Variants in ME3 observed in about 807,000 individuals in gnomAD.
The protein encoded by ME3 is malic enzyme 3, also known as NADP-dependent malic enzyme, mitochondrial.
Under a neutral mutation model 68.9 loss-of-function variants are expected in ME3, and 48 were observed. The observed-to-expected ratio is 0.70, with a 90% confidence interval of 0.55 to 0.89. ME3 has a LOEUF of 0.89. Ranked by LOEUF, ME3 falls within the 40% of genes least tolerant of loss-of-function variation. The probability of loss-of-function intolerance (pLI) is 0.00; values close to 1 mark genes in which losing one functional copy is unlikely to be tolerated. For missense variants in ME3, 675 were observed against 797.4 expected (o/e 0.85, Z 1.85); for synonymous variants, 320 against 318.8 (o/e 1.00, Z -0.04).
intron 2 of ME3, among the ~76,000 whole-genome samples, chr11:86,596,822 C>A (rs998509718): frequency 2.6e-5 from 4 of 152,210 alleles, no homozygotes; most frequent in African/African-American, 9.7e-5. Context: ...TTCTGCTCTC[C>A]TTTTCTGTAA....
intron 2 of ME3, among the ~76,000 whole-genome samples, chr11:86,637,082 C>T (rs1247170979): frequency 6.6e-6 from 1 of 152,120 alleles, no homozygotes; most frequent in Non-Finnish European, 1.5e-5. Context: ...ATGAGCAAAT[C>T]AGTAATGGTG....
At chr11:86,651,679 T>C (rs1243060129) in intron 2 of ME3, among the ~76,000 whole-genome samples, 1 of 152,132 alleles carries the variant, frequency 6.6e-6, no homozygotes, top group East Asian at 1.9e-4. Context: ...ATTCTAAAAA[T>C]CAGAGCACCT....
At chr11:86,601,677 T>C (rs1375057469) in intron 2 of ME3, among the ~76,000 whole-genome samples, 3 of 151,560 alleles carry the variant, frequency 2.0e-5, no homozygotes, top group Admixed American at 6.6e-5. Context: ...CCGATATCCT[T>C]GATGAACATT....
chr11:86,658,851 T>C (rs183089161), intron 2 of ME3, among the ~76,000 whole-genome samples: 2 of 152,276 alleles, frequency 1.3e-5, no homozygotes, highest in Admixed American at 1.3e-4. Flanking sequence ...GATGGGTGGA[T>C]TTAAAAGTCT....
intron 2 of ME3, among the ~76,000 whole-genome samples, chr11:86,611,113 A>G (rs946811529): frequency 1.9e-4 from 29 of 152,156 alleles, no homozygotes; most frequent in African/African-American, 7.0e-4. Flanking sequence ...ATGAACCTGG[A>G]GGACATTAAG....
At chr11:86,522,988 A>G (rs1954438489) in intron 4 of ME3, among the ~76,000 whole-genome samples, 1 of 152,132 alleles carries the variant, frequency 6.6e-6, no homozygotes, top group Admixed American at 6.5e-5. Flanking sequence ...GAGGTTGATT[A>G]TATATCACCC....
In ME3 at chr11:86,482,748, G is replaced by A. The variant is rs190917814; in HGVS notation, c.809+4589C>T. 1.6e-4 allele frequency among the ~76,000 whole-genome samples: 25 copies of A among 151,978 alleles called. No individual in the cohort carries two copies. The East Asian group carries it at 4.8e-3, about 29-fold the overall frequency. On this transcript the variant is annotated intron_variant, in intron 7 of 14. Transcript: ENST00000543262. ...GTTCAGCTATCCTGTGAAGAGAAGA[G>A]GCCATGTGAAGAAGGAGAGACCCTA...
intron 7 of ME3, among the ~76,000 whole-genome samples, chr11:86,473,051 T>C (rs897192847): frequency 6.6e-6 from 1 of 152,104 alleles, no homozygotes; most frequent in Non-Finnish European, 1.5e-5. Context: ...GTTGAAGCCA[T>C]GGGATTGGGT....
chr11:86,598,988 A>G (rs1385867149), intron 2 of ME3, among the ~76,000 whole-genome samples: 1 of 152,156 alleles, frequency 6.6e-6, no homozygotes, highest in Non-Finnish European at 1.5e-5. Flanking sequence ...AGATAAAACC[A>G]CAAAGATGGG....
intron 4 of ME3, among the ~76,000 whole-genome samples, chr11:86,520,770 A>T (rs1954214140): frequency 6.6e-6 from 1 of 152,248 alleles, no homozygotes; most frequent in Non-Finnish European, 1.5e-5. Flanking sequence ...GGATTTCTGC[A>T]TAGATGGTCT....
chr11:86,512,185 C>G (rs1409123496), intron 4 of ME3, among the ~76,000 whole-genome samples: 1 of 152,212 alleles, frequency 6.6e-6, no homozygotes, highest in Non-Finnish European at 1.5e-5. Context: ...ATTACAAGTT[C>G]ACATACCATT....
chr11:86,439,334 A>G (rs1328839664), downstream of ME3, among the ~76,000 whole-genome samples: 1 of 152,240 alleles, frequency 6.6e-6, no homozygotes, highest in East Asian at 1.9e-4. Flanking sequence ...CAACATATAT[A>G]ACTTGGCTTG....
chr11:86,521,311 C>G (rs902673034), intron 4 of ME3, among the ~76,000 whole-genome samples: 1 of 151,916 alleles, frequency 6.6e-6, no homozygotes, highest in Non-Finnish European at 1.5e-5. Flanking sequence ...AGGAGAATGG[C>G]GTGAACCCAG....
intron 2 of ME3, among the ~76,000 whole-genome samples, chr11:86,571,106 C>A (rs191895556): frequency 6.6e-6 from 1 of 152,214 alleles, no homozygotes; most frequent in Non-Finnish European, 1.5e-5. Context: ...AGCAATTTGG[C>A]AATTGCACTT....
intron 6 of ME3, 50 bp downstream of exon 6, chr11:86,497,913 C>T (rs954215139): frequency 1.6e-5 from 24 of 1,533,894 alleles, no homozygotes; most frequent in Non-Finnish European, 2.1e-5. Context: ...TCACCCTGTC[C>T]CAGTTGCCAC....
intron 13 of ME3, among the ~76,000 whole-genome samples, chr11:86,443,914 C>G (rs1290394039): frequency 6.6e-6 from 1 of 152,076 alleles, no homozygotes; most frequent in Non-Finnish European, 1.5e-5. Context: ...GGTGTCCATA[C>G]AAGGCACTTC....
At chr11:86,478,532 C>T (rs895292195) in intron 7 of ME3, among the ~76,000 whole-genome samples, 1 of 152,090 alleles carries the variant, frequency 6.6e-6, no homozygotes, top group African/African-American at 2.4e-5. Context: ...GTTATGGGTT[C>T]TGCCTCTAAT....
At chr11:86,580,789 A>T (rs1201028251) in intron 2 of ME3, among the ~76,000 whole-genome samples, 1 of 152,120 alleles carries the variant, frequency 6.6e-6, no homozygotes, top group African/African-American at 2.4e-5. Context: ...CAAAATAATC[A>T]TTTTTTTGCA....
intron 2 of ME3, among the ~76,000 whole-genome samples, chr11:86,596,574 A>G (rs906898699): frequency 2.6e-5 from 4 of 152,060 alleles, no homozygotes; most frequent in Non-Finnish European, 5.9e-5. Context: ...CTTCTCCCTT[A>G]CTCTCAAAGG....
Sources: allele counts gnomAD v4.1 joint callset (sites outside exome capture counted in the v4.1 genomes callset), GRCh38; gene constraint gnomAD v4.1.1; transcripts MANE v1.5; gene names NCBI Gene and HGNC (gene_info 2026-07-23, HGNC 2026-07-21).